Variants in PDZD2 observed in about 807,000 individuals in gnomAD.
PDZD2 encodes PDZ domain containing 2, also known as PDZ domain-containing protein 2.
PDZD2 carries 90 observed loss-of-function variants against 220.7 expected under a neutral mutation model. That is an observed-to-expected ratio of 0.41 (90% confidence interval 0.34 to 0.49). The LOEUF (loss-of-function observed/expected upper bound fraction) is 0.49, where lower values mean the gene tolerates loss of function less well. Ranked by LOEUF, PDZD2 falls within the 20% of genes least tolerant of loss-of-function variation. PDZD2 has a pLI of 0.28. For missense variants in PDZD2, 3,174 were observed against 3,608.5 expected (o/e 0.88, Z 3.08); for synonymous variants, 1,375 against 1,450.5 (o/e 0.95, Z 1.18).
intron 1 of PDZD2, among the ~76,000 whole-genome samples, chr5:31,652,839 C>T (rs1329071452): frequency 6.6e-6 from 1 of 152,032 alleles, no homozygotes; most frequent in African/African-American, 2.4e-5. Context: ...GGTGAAACCC[C>T]ACTTCTGCTA....
chr5:31,898,566 T>C (rs1405450743), intron 2 of PDZD2, among the ~76,000 whole-genome samples: 1 of 152,224 alleles, frequency 6.6e-6, no homozygotes, highest in African/African-American at 2.4e-5. Flanking sequence ...CTGGACTGGC[T>C]GTCCTTAGAG....
chr5:31,847,746 G>A (rs758497753), intron 2 of PDZD2: 16 of 593,368 alleles, frequency 2.7e-5, no homozygotes, highest in Non-Finnish European at 4.9e-5. Context: ...CAGTTTTGGA[G>A]GCCCTGAAGG....
intron 14 of PDZD2, among the ~76,000 whole-genome samples, chr5:32,061,376 G>T (rs2112345422): frequency 6.6e-6 from 1 of 152,326 alleles, no homozygotes; most frequent in South Asian, 2.1e-4. Context: ...AGAATGCTGT[G>T]TTCTGAGTAC....
At chr5:31,786,608 T>C (rs1045852478) in intron 1 of PDZD2, among the ~76,000 whole-genome samples, 6 of 152,138 alleles carry the variant, frequency 3.9e-5, no homozygotes, top group East Asian at 1.9e-4. Flanking sequence ...TGGTTGTGTA[T>C]ATGCTTCCTA....
At chr5:31,800,104 T>C (rs1469607256) in intron 2 of PDZD2, among the ~76,000 whole-genome samples, 1 of 152,174 alleles carries the variant, frequency 6.6e-6, no homozygotes, top group Non-Finnish European at 1.5e-5. Flanking sequence ...TATTGGACTG[T>C]CTTGGTGTTT....
At chr5:31,745,354 C>T (rs541313634) in intron 1 of PDZD2, among the ~76,000 whole-genome samples, 27 of 152,240 alleles carry the variant, frequency 1.8e-4, no homozygotes, top group African/African-American at 6.3e-4. Context: ...GTTTTAGTTC[C>T]GTTTATTTTG....
chr5:31,933,031 C>A (rs1745432065), intron 2 of PDZD2, among the ~76,000 whole-genome samples: 1 of 152,090 alleles, frequency 6.6e-6, no homozygotes, highest in Non-Finnish European at 1.5e-5. Flanking sequence ...ATGCCTCATC[C>A]TCCCGAGTAG....
intron 1 of PDZD2, among the ~76,000 whole-genome samples, chr5:31,769,462 G>A (rs186465669): frequency 4.1e-4 from 63 of 152,280 alleles, no homozygotes; most frequent in African/African-American, 1.2e-3. Context: ...TTTCAATGTC[G>A]GGAAAAGGAC....
At chr5:31,834,625 A>G (rs1200315726) in intron 2 of PDZD2, among the ~76,000 whole-genome samples, 2 of 151,788 alleles carry the variant, frequency 1.3e-5, no homozygotes, top group African/African-American at 2.4e-5. Context: ...TTCAAGCCCC[A>G]CAGGTGGTAG....
chr5:31,667,643 A>G (rs1280275379), intron 1 of PDZD2, among the ~76,000 whole-genome samples: 1 of 151,808 alleles, frequency 6.6e-6, no homozygotes, highest in African/African-American at 2.4e-5. Flanking sequence ...GGAAAGCAGC[A>G]GTGCCCACGG....
chr5:31,803,635 T>C (rs935570666), intron 2 of PDZD2, among the ~76,000 whole-genome samples: 1 of 152,010 alleles, frequency 6.6e-6, no homozygotes, highest in Non-Finnish European at 1.5e-5. Flanking sequence ...GGTTGGTTTG[T>C]ATGTTAAAGC....
intron 2 of PDZD2, among the ~76,000 whole-genome samples, chr5:31,914,544 G>T (rs1270678169): frequency 6.6e-6 from 1 of 152,154 alleles, no homozygotes; most frequent in African/African-American, 2.4e-5. Flanking sequence ...AGAAAAAAAA[G>T]ATTCTGATCC....
intron 1 of PDZD2, among the ~76,000 whole-genome samples, chr5:31,668,869 TA>T (rs1235005887): frequency 1.3e-5 from 2 of 152,170 alleles, no homozygotes; most frequent in African/African-American, 4.8e-5. Context: ...TTTGTTGTTT[TA>T]ATAAAAATTA....
chr5:31,998,588 GTGT>G (rs1421844910), intron 4 of PDZD2, among the ~76,000 whole-genome samples: 2 of 152,230 alleles, frequency 1.3e-5, no homozygotes, highest in African/African-American at 4.8e-5. Context: ...AGGCGTGCAT[GTGT>G]TTCATGGCAG....
intron 1 of PDZD2, among the ~76,000 whole-genome samples, chr5:31,670,094 T>C (rs909293341): frequency 6.6e-6 from 1 of 152,194 alleles, no homozygotes; most frequent in African/African-American, 2.4e-5. Flanking sequence ...CGGGCACTCC[T>C]AACTGCTAAG....
chr5:31,762,181 G>A (rs1185901742), intron 1 of PDZD2, among the ~76,000 whole-genome samples: 2 of 152,220 alleles, frequency 1.3e-5, no homozygotes, highest in African/African-American at 4.8e-5. Flanking sequence ...TTCAACATGA[G>A]ATTTGGGCTG....
intron 1 of PDZD2, among the ~76,000 whole-genome samples, chr5:31,694,789 A>ATTTTTTTTTTTT (rs199713567): frequency 8.8e-6 from 1 of 113,570 alleles, no homozygotes; most frequent in Admixed American, 8.5e-5. Flanking sequence ...ATTTTATTTT[A>ATTTTTTTTTTTT]TTTATTTATT....
chr5:31,737,361 A>C lies in PDZD2; in HGVS notation c.-360-61528A>C, dbSNP rs1056273643. 2.0e-5 allele frequency among the ~76,000 whole-genome samples: 3 copies of C among 146,506 alleles called. No individual in the cohort carries two copies. The East Asian group carries it at 6.1e-4, about 30-fold the overall frequency. On this transcript the variant is annotated intron_variant, in intron 1 of 24. Coordinates refer to ENST00000438447, the MANE Select transcript of PDZD2 (RefSeq NM_178140.4). ...CTAATTTGTTGTATTTTTAGTAGAG[A>C]TGGGGTTTCACCGTGTTAGCCAGGA...
intron 6 of PDZD2, among the ~76,000 whole-genome samples, chr5:32,018,117 G>A (rs1753913511): frequency 1.3e-5 from 2 of 152,226 alleles, no homozygotes; most frequent in African/African-American, 4.8e-5. Context: ...AGACTGTACC[G>A]AAATGCAGAA....
Sources: gnomAD v4.1 joint callset for allele counts (sites outside exome capture counted in the v4.1 genomes callset) on GRCh38, gnomAD v4.1.1 for gene constraint, MANE v1.5 for transcripts, NCBI Gene and HGNC (gene_info 2026-07-23, HGNC 2026-07-21) for gene names.